LONRF2: variants seen among roughly 807,000 people sequenced by gnomAD.
The protein encoded by LONRF2 is LON peptidase N-terminal domain and ring finger 2.
In LONRF2, 35 loss-of-function variants were observed where a neutral mutation model predicts 66.6. The observed-to-expected ratio is 0.53, with a 90% CI of 0.40 to 0.70. The LOEUF is 0.70. Ranked by LOEUF, LONRF2 falls within the 30% of genes least tolerant of loss-of-function variation. The pLI is 0.00. For synonymous variants in LONRF2, 417 were observed against 418.1 expected, an observed-to-expected ratio of 1.00 and a Z score of 0.03; for missense variants, 902 against 1,002.1, an observed-to-expected ratio of 0.90 and a Z score of 1.35.
chr2:100,274,036 A>C lies in LONRF2; in HGVS notation c.*10262T>G, dbSNP rs938142177. 2.6e-5 allele frequency: 4 copies of C among 152,238 alleles called. No homozygotes were observed. Among genetic ancestry groups the C allele is most frequent in the African/African-American group, 9.6e-5 (4 of 41,462 alleles). The allele number at this position is 152,238 out of a possible 1,614,324, so 9.4% of individuals were successfully genotyped here. On this transcript the variant is annotated 3_prime_UTR_variant, in exon 12 of 12. Coordinates refer to ENST00000393437, the MANE Select transcript of LONRF2 (RefSeq NM_198461.4). ...GAAAGTGAAAATACTATGGTAAATA[A>C]CGAAGGCCCCAATGCAATTTTTGAA...
At position 100,275,768 on chromosome 2, in the gene LONRF2, G is replaced by C. The variant is rs561311463; in HGVS notation, c.*8530C>G. ...CCCCACCAGTGTGCCTGGGCACTCT[G>C]AACACCCTGCCTGTCAACATGCTGG... On this transcript the variant is annotated 3_prime_UTR_variant, in exon 12 of 12. Transcript: ENST00000393437. 6.6e-6 allele frequency: 1 copy of C among 152,180 alleles called. No individual in the cohort carries two copies. Among genetic ancestry groups the C allele is most frequent in the Non-Finnish European group, 1.5e-5 (1 of 68,028 alleles). 9.4% of individuals were successfully genotyped at this position (152,180 alleles called of 1,614,324 possible). A position where few individuals can be genotyped will look rare whatever the true frequency, so the allele number is the denominator to read the frequency against.
At chr2:100,321,339 C>G in intron 1 of LONRF2, 76 bp downstream of exon 1, 1 of 1,255,000 alleles carries the variant, frequency 8.0e-7, no homozygotes, top group Non-Finnish European at 1.0e-6. Context: ...AGCCTCGGGC[C>G]CACCGGCCAG....
intron 6 of LONRF2, 35 bp from the exon 7 acceptor site, chr2:100,298,985 C>G (rs775785365): frequency 6.7e-7 from 1 of 1,494,468 alleles, no homozygotes; most frequent in African/African-American, 1.4e-5. Context: ...CCAGAAATGT[C>G]CAGGACAGAC....
At chr2:100,312,376 T>C (rs948414590) in intron 1 of LONRF2, among the ~76,000 whole-genome samples, 8 of 152,324 alleles carry the variant, frequency 5.3e-5, no homozygotes, top group Middle Eastern at 3.4e-3. Context: ...TGTCCCTTAA[T>C]GGCCTTGGCA....
intron 7 of LONRF2, among the ~76,000 whole-genome samples, chr2:100,298,563 A>G (rs536899763): frequency 6.6e-6 from 1 of 152,388 alleles, no homozygotes; most frequent in South Asian, 2.1e-4. Context: ...ATTTACAATG[A>G]ACGTAATGTA....
intron 9 of LONRF2, 86 bp from the exon 10 acceptor site, chr2:100,290,506 G>T: frequency 7.3e-7 from 1 of 1,369,470 alleles, no homozygotes. Context: ...ACTTTTAAAA[G>T]GAATACAAAG....
intron 1 of LONRF2, among the ~76,000 whole-genome samples, chr2:100,317,766 C>CATTA (rs1402245690): frequency 6.6e-6 from 1 of 151,976 alleles, no homozygotes. Context: ...ACTTTAAAGA[C>CATTA]ATTATTCCAT....
rs763651128 is a variant in LONRF2 at position 100,294,340 on chromosome 2, G to A, written c.1646C>T (p.Thr549Met). The A allele has an allele frequency of 8.7e-6, 14 of 1,605,428 alleles. No individual in the cohort carries two copies. In the East Asian group the frequency reaches 1.4e-4, roughly 15 times the overall value. Residue 549 changes from threonine to methionine, a missense_variant, in exon 9 of 12, where the codon ACG (threonine) becomes ATG (methionine). Around this residue, in one of 2 missense-constraint regions of LONRF2, gnomAD observed 317 missense variants for 432.2 expected, o/e 0.73. Transcript: ENST00000393437. ...AAAAACGTGGAGTGGACATGGGACC[G>A]TGGGGAAGGCCATGGCACACACAAA... ...PIFVCAMAFP[T>M]VPCPLHVFEP...
rs10192741 is a variant in LONRF2, at chr2:100,302,644, A to G, written c.921+277T>C. Among the ~76,000 whole-genome samples the G allele has an allele frequency of 5.9e-3, 893 of 152,274 alleles. 13 individuals carry two copies. The highest frequency in any genetic ancestry group is 0.047 in the East Asian group (242 of 5,186). On this transcript the variant is annotated intron_variant, in intron 3 of 11. Transcript: ENST00000393437. Reference sequence around the variant, plus strand: ...TTATGAAGCTTCTACACAAACTATAATAACCTTGCCTAACATGTGTCTTTA... The same window carrying G: ...TTATGAAGCTTCTACACAAACTATAGTAACCTTGCCTAACATGTGTCTTTA...
Position 100,279,230 on chromosome 2 carries a change from G to A in LONRF2, c.*5068C>T, listed in dbSNP as rs1674662106. ...CACACCCCCAGCCACACAACCGCCA[G>A]ACCTGCCACCCCGAGCCGAGAAACA... is the stretch of plus-strand genomic sequence containing the variant. On this transcript the variant is annotated 3_prime_UTR_variant, in exon 12 of 12. Coordinates refer to ENST00000393437, the MANE Select transcript of LONRF2 (RefSeq NM_198461.4). The A allele has an allele frequency of 6.6e-6, 1 of 152,010 alleles. No homozygotes were observed. The highest frequency in any genetic ancestry group is 2.4e-5 in the African/African-American group (1 of 41,296). The allele number at this position is 152,010 out of a possible 1,614,324, so 9.4% of individuals were successfully genotyped here.
chr2:100,304,663 G>A (rs4635546), intron 2 of LONRF2, among the ~76,000 whole-genome samples: 77,038 of 142,130 alleles, frequency 0.54, 21,185 homozygotes, highest in East Asian at 0.77. Flanking sequence ...TTGCTCGCTC[G>A]TCCAGGCTGG....
chr2:100,313,431 G>A (rs897157470), intron 1 of LONRF2, among the ~76,000 whole-genome samples: 1 of 152,142 alleles, frequency 6.6e-6, no homozygotes, highest in Non-Finnish European at 1.5e-5. Flanking sequence ...GGAGGTGGAG[G>A]TTGCAGTGAG....
At chr2:100,299,362 C>A in intron 5 of LONRF2, 43 bp from the exon 6 acceptor site, 1 of 1,189,608 alleles carries the variant, frequency 8.4e-7, no homozygotes, top group Non-Finnish European at 1.2e-6. Context: ...AACACCTAAG[C>A]ACCTGAACAA....
In LONRF2 at chr2:100,271,976, G is replaced by A. The variant is rs186413712; in HGVS notation, c.*12322C>T. Among the ~76,000 whole-genome samples, 2 of 152,310 alleles carry A rather than the reference G, an allele frequency of 1.3e-5. No homozygotes were observed. The highest frequency in any genetic ancestry group is 3.9e-4 in the East Asian group (2 of 5,186). ...GGAGTTAAGATTAGTCACTGCATGA[G>A]GAAGCGGGAAAATGCCTGATCCTTA... On this transcript the variant is annotated 3_prime_UTR_variant, in exon 12 of 12. Transcript: ENST00000393437.
rs151056980 is a variant in LONRF2 at position 100,288,340 on chromosome 2, C to T, written c.1921-1277G>A. Among the ~76,000 whole-genome samples, 738 of 152,352 alleles carry T rather than the reference C, an allele frequency of 4.8e-3. 5 individuals carry two copies. Among genetic ancestry groups the T allele is most frequent in the African/African-American group, 0.017 (702 of 41,582 alleles). ...TCCATTCACAAATCCTAAGTGTACA[C>T]CACTGCCCCCAAAATGACTTCCAGT... is the stretch of plus-strand genomic sequence containing the variant. On this transcript the variant is annotated intron_variant, in intron 10 of 11. Transcript: ENST00000393437.
intron 9 of LONRF2, among the ~76,000 whole-genome samples, chr2:100,292,398 T>C (rs1484671036): frequency 6.6e-6 from 1 of 152,228 alleles, no homozygotes; most frequent in Non-Finnish European, 1.5e-5. Context: ...ATTAGCAATT[T>C]GTTTAAAAAA....
chr2:100,286,451 T>C (rs1317955861), intron 11 of LONRF2, among the ~76,000 whole-genome samples: 1 of 152,202 alleles, frequency 6.6e-6, no homozygotes, highest in Non-Finnish European at 1.5e-5. Context: ...AGAAAGCCCA[T>C]GACAGCTGGG....
intron 1 of LONRF2, among the ~76,000 whole-genome samples, chr2:100,311,048 T>C (rs1338498722): frequency 6.6e-6 from 1 of 152,208 alleles, no homozygotes; most frequent in African/African-American, 2.4e-5. Context: ...ATTTCATCTT[T>C]GAAAATGCAC....
intron 1 of LONRF2, among the ~76,000 whole-genome samples, chr2:100,320,409 C>T (rs917358704): frequency 6.6e-6 from 1 of 152,146 alleles, no homozygotes; most frequent in African/African-American, 2.4e-5. Context: ...AATTTAGATA[C>T]AGATATTGAA....
Sources: allele counts gnomAD v4.1 joint callset (sites outside exome capture counted in the v4.1 genomes callset), GRCh38; gene constraint gnomAD v4.1.1; regional missense constraint gnomAD v4.1.1; transcripts MANE v1.5; gene names NCBI Gene and HGNC (gene_info 2026-07-23, HGNC 2026-07-21).